Variants in TPRG1 observed in about 807,000 individuals in gnomAD.
TPRG1 encodes tumor protein p63-regulated gene 1 protein.
Under a neutral mutation model 29.3 loss-of-function variants are expected in TPRG1, and 29 were observed. That is an observed-to-expected ratio of 0.99 (90% CI 0.74 to 1.35). The LOEUF is 1.35. Ranked by LOEUF, TPRG1 falls within the 40% of genes most tolerant of loss-of-function variation. The pLI is 0.00. For synonymous variants in TPRG1, 130 were observed against 116.8 expected, an observed-to-expected ratio of 1.11 and a Z score of -0.73; for missense variants, 327 against 335.0, an observed-to-expected ratio of 0.98 and a Z score of 0.19.
At chr3:189,215,158 G>A in intron 2 of TPRG1, 134 bp from the exon 3 acceptor site, 2 of 598,500 alleles carry the variant, frequency 3.3e-6, no homozygotes, top group Non-Finnish European at 5.4e-6. Context: ...AGGCAGTTAG[G>A]CATACAGGCA....
intron 3 of TPRG1, among the ~76,000 whole-genome samples, chr3:189,227,527 G>A (rs1473584512): frequency 6.6e-6 from 1 of 152,200 alleles, no homozygotes; most frequent in Admixed American, 6.5e-5. Flanking sequence ...CTAGCCTTGA[G>A]ATTGACGCAA....
chr3:189,095,722 T>C (rs1718631479), upstream of TPRG1, among the ~76,000 whole-genome samples: 1 of 152,200 alleles, frequency 6.6e-6, no homozygotes, highest in Admixed American at 6.5e-5. Context: ...CATCTTTTCA[T>C]CTCAGAATCC....
chr3:189,069,885 C>T (rs1716703297), intron 4 of TPRG1, among the ~76,000 whole-genome samples: 1 of 152,112 alleles, frequency 6.6e-6, no homozygotes, highest in African/African-American at 2.4e-5. Flanking sequence ...CGAGACCATC[C>T]TGGCCAACAT....
chr3:189,105,112 A>G (rs1355232959), intron 1 of TPRG1, among the ~76,000 whole-genome samples: 1 of 152,140 alleles, frequency 6.6e-6, no homozygotes, highest in Non-Finnish European at 1.5e-5. Context: ...AAAGCTCTCT[A>G]CAACTCTCTG....
chr3:189,198,995 C>T (rs549692753), intron 1 of TPRG1, among the ~76,000 whole-genome samples: 2 of 152,232 alleles, frequency 1.3e-5, no homozygotes, highest in African/African-American at 4.8e-5. Context: ...GTGAGAAACT[C>T]AACAGAACTT....
chr3:189,190,980 A>G (rs923789973), intron 1 of TPRG1: 10 of 985,322 alleles, frequency 1.0e-5, no homozygotes, highest in Admixed American at 6.1e-5. Context: ...AAATGCGAAT[A>G]TCACAGGTAG....
At chr3:189,247,207 T>C (rs1741496819) in intron 4 of TPRG1, among the ~76,000 whole-genome samples, 1 of 152,076 alleles carries the variant, frequency 6.6e-6, no homozygotes, top group South Asian at 2.1e-4. Flanking sequence ...TCTATCTTTA[T>C]GTTCACTGAA....
chr3:189,219,561 C>G, intron 3 of TPRG1: 1 of 1,242,182 alleles, frequency 8.1e-7, no homozygotes, highest in Non-Finnish European at 1.0e-6. Context: ...TATGTGTTTG[C>G]TTTTAGAACG....
intron 3 of TPRG1, among the ~76,000 whole-genome samples, chr3:189,022,747 A>T (rs929187184): frequency 1.3e-5 from 2 of 152,240 alleles, no homozygotes; most frequent in Non-Finnish European, 2.9e-5. Flanking sequence ...GAGCTGTGGC[A>T]GGCTCCACCC....
At chr3:189,200,628 G>C (rs934907478) in intron 1 of TPRG1, among the ~76,000 whole-genome samples, 1 of 152,122 alleles carries the variant, frequency 6.6e-6, no homozygotes, top group Non-Finnish European at 1.5e-5. Context: ...CATCGTTCTT[G>C]TTAACAAGCC....
At chr3:189,256,236 G>A (rs143323694) in intron 4 of TPRG1, among the ~76,000 whole-genome samples, 8 of 152,286 alleles carry the variant, frequency 5.3e-5, no homozygotes, top group African/African-American at 1.7e-4. Flanking sequence ...TGGTTTCAAA[G>A]AACTTATTTA....
At chr3:189,155,117 G>A (rs960514197) in intron 5 of TPRG1, among the ~76,000 whole-genome samples, 4 of 152,148 alleles carry the variant, frequency 2.6e-5, no homozygotes, top group African/African-American at 9.7e-5. Context: ...GGGGAAGAGG[G>A]AGCAAGGGGG....
chr3:189,172,232 A>G (rs1197398808), intron 1 of TPRG1, 101 bp downstream of exon 1: 1 of 152,122 alleles, frequency 6.6e-6, no homozygotes, highest in Non-Finnish European at 1.5e-5. Context: ...CACCTCCCCC[A>G]CTGACTTGCA....
upstream of TPRG1, among the ~76,000 whole-genome samples, chr3:189,096,907 C>CT (rs1259803018): frequency 1.3e-5 from 2 of 152,108 alleles, no homozygotes; most frequent in African/African-American, 4.8e-5. Flanking sequence ...CTCTCTCTCT[C>CT]TTTTTTGCTA....
chr3:189,107,543 C>CT (rs2152201943), intron 1 of TPRG1, among the ~76,000 whole-genome samples: 1 of 152,220 alleles, frequency 6.6e-6, no homozygotes, highest in East Asian at 1.9e-4. Context: ...GCATTATTCC[C>CT]TTACAGAAAT....
intron 5 of TPRG1, among the ~76,000 whole-genome samples, chr3:189,319,124 A>G (rs1482122424): frequency 6.6e-6 from 1 of 152,134 alleles, no homozygotes; most frequent in Non-Finnish European, 1.5e-5. Flanking sequence ...CCTGAATTTA[A>G]TTCCTACTCT....
At chr3:189,243,684 T>C (rs1196613731) in intron 4 of TPRG1, among the ~76,000 whole-genome samples, 1 of 152,188 alleles carries the variant, frequency 6.6e-6, no homozygotes, top group Non-Finnish European at 1.5e-5. Context: ...CCAGGTCACA[T>C]CTTGAATGTG....
At chr3:189,236,763 T>C (rs1250718590) in intron 3 of TPRG1, among the ~76,000 whole-genome samples, 1 of 152,180 alleles carries the variant, frequency 6.6e-6, no homozygotes, top group Non-Finnish European at 1.5e-5. Context: ...TCTTCCTTTT[T>C]CTGCTTCTCC....
chr3:189,301,627 C>G (rs1365816663), intron 4 of TPRG1, among the ~76,000 whole-genome samples: 3 of 152,078 alleles, frequency 2.0e-5, no homozygotes, highest in African/African-American at 4.8e-5. Flanking sequence ...ATTTTATCCT[C>G]TTTTGTGTTT....
Sources: allele counts gnomAD v4.1 joint callset (sites outside exome capture counted in the v4.1 genomes callset), GRCh38; gene constraint gnomAD v4.1.1; transcripts MANE v1.5; gene names NCBI Gene and HGNC (gene_info 2026-07-23, HGNC 2026-07-21).